The following MYO9A variants were observed in gnomAD, a reference collection of about 807,000 sequenced individuals.
The protein encoded by MYO9A is myosin IXA, also known as unconventional myosin-IXa.
MYO9A carries 103 observed loss-of-function variants against 293.3 expected under a neutral mutation model. That is an observed-to-expected ratio of 0.35 (90% CI 0.30 to 0.41). MYO9A has a LOEUF of 0.41. Among genes scored for constraint, MYO9A ranks in the 10% least tolerant of loss-of-function variants. MYO9A has a pLI of 1.00. For missense variants in MYO9A, 2,685 were observed against 3,033.0 expected (o/e 0.89, Z 2.69); for synonymous variants, 1,001 against 1,035.7 (o/e 0.97, Z 0.64).
In MYO9A at chr15:71,878,031, C is replaced by T; in HGVS notation, c.5931+9G>A. 10 of 1,564,132 alleles carry T rather than the reference C, an allele frequency of 6.4e-6. No individual in the cohort carries two copies. Among genetic ancestry groups the T allele is most frequent in the Non-Finnish European group, 8.6e-6 (10 of 1,158,266 alleles). The stretch of plus-strand genomic sequence containing the variant: ...AATCCTTTAAGTAATCAAAATATAT[C>T]ACATTTACCTTTGTGGCTGTGCAAT... On this transcript the variant is annotated intron_variant, in intron 31 of 41. Transcript: ENST00000356056.
chr15:71,852,266 T>C lies in MYO9A; in HGVS notation c.6347-6A>G. On this transcript the variant is annotated splice_region_variant and splice_polypyrimidine_tract_variant and intron_variant, in intron 35 of 41. Coordinates refer to ENST00000356056, the MANE Select transcript of MYO9A (RefSeq NM_006901.4). The stretch of plus-strand genomic sequence containing the variant: ...TAGATTTACACTCTCAGCATCTATT[T>C]AGAGACAAGAGTTAGATTAACAGAG... The C allele has an allele frequency of 6.2e-7, 1 of 1,601,012 alleles. No individual in the cohort carries two copies. Among genetic ancestry groups the C allele is most frequent in the South Asian group, 1.1e-5 (1 of 89,538 alleles).
intron 1 of MYO9A, among the ~76,000 whole-genome samples, chr15:72,073,964 C>G (rs542345198): frequency 6.6e-6 from 1 of 152,286 alleles, no homozygotes; most frequent in Non-Finnish European, 1.5e-5. Flanking sequence ...AAGGGCCAGA[C>G]TGTAAGTATT....
chr15:71,956,951 T>C lies in MYO9A; in HGVS notation c.2182+2950A>G, dbSNP rs146235782. On this transcript the variant is annotated intron_variant, in intron 14 of 41. Transcript: ENST00000356056. ...GTATTTCATTTCTTTTATGGCCAAA[T>C]AACATGCCATGTATGGATATACCAC... 1.4e-3 allele frequency among the ~76,000 whole-genome samples: 206 copies of C among 151,630 alleles called. 1 individual carries two copies. The highest frequency in any genetic ancestry group is 4.8e-3 in the African/African-American group (198 of 41,388).
rs2077907438 is a variant in MYO9A at position 72,032,603 on chromosome 15, A to G, written c.841-15T>C. ...TTTCCAAAGGCCTGTCAAAATAAAT[A>G]ATTCTCATTAGTTTCACTAAAAAAA... On this transcript the variant is annotated splice_polypyrimidine_tract_variant and intron_variant, in intron 2 of 41. Transcript: ENST00000356056. 2 of 1,571,118 alleles carry G rather than the reference A, an allele frequency of 1.3e-6. No individual in the cohort carries two copies. The highest frequency in any genetic ancestry group is 1.7e-6 in the Non-Finnish European group (2 of 1,164,028).
chr15:71,897,349 A>G (rs2057359184), intron 25 of MYO9A, 112 bp downstream of exon 25: 1 of 1,163,910 alleles, frequency 8.6e-7, no homozygotes, highest in Admixed American at 2.3e-5. Context: ...ACAAAGAGAA[A>G]ATGGCCAAGT....
At chr15:71,893,526 T>A in intron 26 of MYO9A, 153 bp downstream of exon 26, 1 of 668,856 alleles carries the variant, frequency 1.5e-6, no homozygotes, top group Non-Finnish European at 2.5e-6. Flanking sequence ...TACACCTTCA[T>A]AATTATAACA....
chr15:72,047,763 TCA>T (rs2078430368), intron 1 of MYO9A, among the ~76,000 whole-genome samples: 1 of 140,244 alleles, frequency 7.1e-6, no homozygotes, highest in Non-Finnish European at 1.5e-5. Flanking sequence ...AGAAATACTT[TCA>T]GTTACTTCCT....
At chr15:71,925,031 C>T (rs1032152156) in intron 18 of MYO9A, among the ~76,000 whole-genome samples, 10 of 152,066 alleles carry the variant, frequency 6.6e-5, no homozygotes, top group East Asian at 1.9e-4. Flanking sequence ...TTAACTCTAT[C>T]GTTCTTTGCT....
In MYO9A at chr15:71,916,350, T is replaced by C. The variant is rs375013822; in HGVS notation, c.2685+20A>G. The C allele has an allele frequency of 1.1e-5, 17 of 1,604,324 alleles. No homozygotes were observed. Among genetic ancestry groups the C allele is most frequent in the Admixed American group, 1.7e-5 (1 of 57,394 alleles). Reference sequence around the variant, plus strand: ...GAAAGATACAGATTCTTATTTGTTTTAAGCGAAACAAGAAATAACCTGAAA... The same window carrying C: ...GAAAGATACAGATTCTTATTTGTTTCAAGCGAAACAAGAAATAACCTGAAA... On this transcript the variant is annotated intron_variant, in intron 19 of 41. Coordinates refer to ENST00000356056, the MANE Select transcript of MYO9A (RefSeq NM_006901.4).
intron 1 of MYO9A, among the ~76,000 whole-genome samples, chr15:72,082,594 G>C (rs2079580523): frequency 6.6e-6 from 1 of 152,042 alleles, no homozygotes. Context: ...ATTAGGCAGT[G>C]ATGGAGGGCA....
rs757903046 is a variant in MYO9A, at chr15:71,892,948, T to C, written c.5142+731A>G. ...TCAGATTTGCTTGCTATTTTTCTTATATTGCTGTAAAATTACCATTTCGGA... is the reference window on the plus strand; with the variant it reads ...TCAGATTTGCTTGCTATTTTTCTTACATTGCTGTAAAATTACCATTTCGGA... On this transcript the variant is annotated intron_variant, in intron 26 of 41. Coordinates refer to ENST00000356056, the MANE Select transcript of MYO9A (RefSeq NM_006901.4). The C allele has an allele frequency of 1.4e-5, 17 of 1,233,300 alleles. No homozygotes were observed. The South Asian group carries it at 2.2e-4, about 16-fold the overall frequency. The allele number at this position is 1,233,300 out of a possible 1,614,324, so 76.4% of individuals were successfully genotyped here. A position where few individuals can be genotyped will look rare whatever the true frequency, so the allele number is the denominator to read the frequency against.
chr15:72,096,589 C>A (rs1038857579), intron 1 of MYO9A, among the ~76,000 whole-genome samples: 1 of 152,230 alleles, frequency 6.6e-6, no homozygotes, highest in Non-Finnish European at 1.5e-5. Context: ...GCTAACACAA[C>A]ATCCACTCTG....
rs2054505986 is a variant in MYO9A, at chr15:71,826,498, G to A, written c.*82C>T. 2 of 1,309,636 alleles carry A rather than the reference G, an allele frequency of 1.5e-6. No individual in the cohort carries two copies. The highest frequency in any genetic ancestry group is 1.5e-5 in the African/African-American group (1 of 67,418). 81.1% of individuals were successfully genotyped at this position (1,309,636 alleles called of 1,614,324 possible). A position where few individuals can be genotyped will look rare whatever the true frequency, so the allele number is the denominator to read the frequency against. On this transcript the variant is annotated 3_prime_UTR_variant, in exon 42 of 42. Transcript: ENST00000356056. ...AGGACCACAATTAGGATTGACTATT[G>A]TGGACGAGGTGATGAAACGCAGCCC...
At chr15:71,889,003 T>C (rs543010641) in intron 26 of MYO9A, among the ~76,000 whole-genome samples, 6 of 152,278 alleles carry the variant, frequency 3.9e-5, no homozygotes, top group Non-Finnish European at 7.3e-5. Flanking sequence ...AAGGGAAGTA[T>C]GTTCTACACT....
At chr15:71,942,338 T>G (rs1415709998) in intron 15 of MYO9A, among the ~76,000 whole-genome samples, 1 of 152,016 alleles carries the variant, frequency 6.6e-6, no homozygotes, top group Non-Finnish European at 1.5e-5. Flanking sequence ...TTGATATAAC[T>G]CTTTCCTAAT....
chr15:71,933,822 AT>A (rs760707024), intron 17 of MYO9A, 113 bp from the exon 18 acceptor site: 9 of 848,924 alleles, frequency 1.1e-5, no homozygotes, highest in Non-Finnish European at 1.7e-5. Flanking sequence ...TTATATACCC[AT>A]TACCAAGACT....
At chr15:72,067,951 TAA>T (rs1555418010) in intron 1 of MYO9A, among the ~76,000 whole-genome samples, 1 of 152,158 alleles carries the variant, frequency 6.6e-6, no homozygotes, top group Non-Finnish European at 1.5e-5. Flanking sequence ...AGTTTACTCA[TAA>T]GAACAACACA....
At chr15:72,074,951 C>CTTTTTTTTTTTTTTTTTT (rs750462703) in intron 1 of MYO9A, among the ~76,000 whole-genome samples, 5 of 53,110 alleles carry the variant, frequency 9.4e-5, no homozygotes, top group Non-Finnish European at 1.6e-4. Context: ...TTTTCACTGC[C>CTTTTTTTTTTTTTTTTTT]TTTTTTTTTT....
intron 9 of MYO9A, among the ~76,000 whole-genome samples, chr15:71,994,979 G>A (rs986839464): frequency 1.3e-5 from 2 of 152,238 alleles, no homozygotes; most frequent in African/African-American, 2.4e-5. Flanking sequence ...TGATTCACCC[G>A]TCTTGGCCTC....
Sources: allele counts gnomAD v4.1 joint callset (sites outside exome capture counted in the v4.1 genomes callset), GRCh38; gene constraint gnomAD v4.1.1; transcripts MANE v1.5; gene names NCBI Gene and HGNC (gene_info 2026-07-23, HGNC 2026-07-21).